The following COPS5 variants were observed in gnomAD, a reference collection of about 807,000 sequenced individuals.
COPS5 encodes COP9 signalosome complex subunit 5.
In COPS5, 8 loss-of-function variants were observed where a neutral mutation model predicts 44.4. That is an observed-to-expected ratio of 0.18 (90% confidence interval 0.11 to 0.32). The LOEUF (loss-of-function observed/expected upper bound fraction) is 0.32. Ranked by LOEUF, COPS5 falls within the 10% of genes least tolerant of loss-of-function variation. COPS5 has a pLI of 1.00. For missense variants in COPS5, 159 were observed against 406.4 expected (o/e 0.39, Z 5.23); for synonymous variants, 122 against 142.8 (o/e 0.85, Z 1.04).
intron 6 of COPS5, among the ~76,000 whole-genome samples, chr8:67,046,824 CAAAAA>C (rs771868140): frequency 2.3e-5 from 1 of 43,736 alleles, no homozygotes; most frequent in Admixed American, 2.7e-4. Flanking sequence ...ACTCTGTCTC[CAAAAA>C]AAAAAAAAAA....
intron 6 of COPS5, chr8:67,047,668 G>T (rs1816717870): frequency 1.7e-6 from 1 of 603,676 alleles, no homozygotes; most frequent in African/African-American, 1.8e-5. Context: ...AACAACAAGG[G>T]AGAAATGTAA....
intron 7 of COPS5, chr8:67,045,195 T>C (rs1183986734): frequency 1.3e-5 from 2 of 152,056 alleles, no homozygotes; most frequent in Non-Finnish European, 2.9e-5. Context: ...TTCATGCCTG[T>C]AATCCCAGCA....
At chr8:67,057,506 T>TTTC in intron 3 of COPS5, 61 bp from the exon 4 acceptor site, 2 of 1,169,160 alleles carry the variant, frequency 1.7e-6, no homozygotes, top group African/African-American at 1.5e-5. Context: ...TATTTAAACA[T>TTTC]TATAAACCTA....
chr8:67,050,092 C>A (rs529567924), intron 6 of COPS5, among the ~76,000 whole-genome samples: 1 of 152,028 alleles, frequency 6.6e-6, no homozygotes, highest in South Asian at 2.1e-4. Flanking sequence ...GCTCTGCCCC[C>A]CGGGGCTCAT....
intron 5 of COPS5, among the ~76,000 whole-genome samples, chr8:67,052,948 C>G (rs1465107936): frequency 6.6e-6 from 1 of 151,686 alleles, no homozygotes; most frequent in African/African-American, 2.4e-5. Flanking sequence ...TTTATAGTAC[C>G]ATTAGGAGAT....
rs185589485 is a variant in COPS5 at position 67,051,421 on chromosome 8, G to A, written c.660-80C>T. On this transcript the variant is annotated intron_variant, in intron 5 of 7. Transcript: ENST00000357849. ...ACATAAAACTTATGGCCAGATTTAA[G>A]TGAGTTACACTTTATTCTCAAATAT... 2.4e-4 allele frequency: 175 copies of A among 719,770 alleles called. 1 individual carries two copies. Among genetic ancestry groups the A allele is most frequent in the Middle Eastern group, 3.8e-4 (1 of 2,610 alleles). 44.6% of individuals were successfully genotyped at this position (719,770 alleles called of 1,614,324 possible).
At chr8:67,057,277 C>T (rs567835733) in intron 4 of COPS5, 103 bp downstream of exon 4, 48 of 577,222 alleles carry the variant, frequency 8.3e-5, no homozygotes, top group African/African-American at 7.1e-4. Flanking sequence ...TGAGCCTAGG[C>T]GATGAAGGCT....
chr8:67,060,523 C>T (rs1005557539), intron 1 of COPS5: 22 of 1,288,836 alleles, frequency 1.7e-5, no homozygotes, highest in South Asian at 2.5e-5. Context: ...AGACATGAAT[C>T]GAAATCTTGG....
chr8:67,054,003 T>C (rs375564967), intron 5 of COPS5, among the ~76,000 whole-genome samples: 1 of 146,996 alleles, frequency 6.8e-6, no homozygotes, highest in African/African-American at 2.5e-5. Context: ...AAGACTCCAT[T>C]TAAAAAAAAA....
At chr8:67,043,451 A>C (rs1206009316) in intron 7 of COPS5, 134 bp from the exon 8 acceptor site, 1 of 527,226 alleles carries the variant, frequency 1.9e-6, no homozygotes, top group Non-Finnish European at 3.3e-6. Context: ...CCCCAATCTG[A>C]AGTTTTCCCT....
chr8:67,056,650 AAAATATATAT>A (rs1804509940), intron 4 of COPS5, 46 bp from the exon 5 acceptor site: 12 of 74,534 alleles, frequency 1.6e-4, no homozygotes, highest in Non-Finnish European at 2.5e-4. Flanking sequence ...AAAAAAAAAA[AAAATATATAT>A]ATATATATAT....
chr8:67,060,559 G>A, intron 1 of COPS5: 1 of 1,239,750 alleles, frequency 8.1e-7, no homozygotes, highest in Non-Finnish European at 1.1e-6. Context: ...GAGAAAAGAA[G>A]AAAGACAAGT....
chr8:67,053,898 C>T (rs775701446), intron 5 of COPS5, among the ~76,000 whole-genome samples: 3 of 148,522 alleles, frequency 2.0e-5, no homozygotes, highest in South Asian at 2.1e-4. Context: ...TCCAGCTACT[C>T]GGGAGGGTGA....
At chr8:67,057,354 T>G (rs746936878) in intron 4 of COPS5, 26 bp downstream of exon 4, 1 of 1,527,638 alleles carries the variant, frequency 6.5e-7, no homozygotes, top group South Asian at 1.1e-5. Flanking sequence ...AGTGAGACTC[T>G]AACTCTTAAA....
At chr8:67,047,272 CT>C (rs1816713553) in intron 6 of COPS5, among the ~76,000 whole-genome samples, 1 of 152,138 alleles carries the variant, frequency 6.6e-6, no homozygotes, top group Non-Finnish European at 1.5e-5. Flanking sequence ...ATAGGGGGCT[CT>C]TTAAAATGCT....
chr8:67,057,239 C>T lies in COPS5; in HGVS notation c.573+141G>A, dbSNP rs566954787. The T allele has an allele frequency of 8.1e-4, 344 of 426,544 alleles. 7 individuals are homozygous for T. In the South Asian group the frequency reaches 0.021, roughly 27 times the overall value. 26.4% of individuals were successfully genotyped at this position (426,544 alleles called of 1,614,324 possible). Reference sequence around the variant, plus strand: ...AAAAATTACTAAGCATTCCTACCGTCCCAGCTACTTGGGAGGCTGAGTTGG... The same window carrying T: ...AAAAATTACTAAGCATTCCTACCGTTCCAGCTACTTGGGAGGCTGAGTTGG... On this transcript the variant is annotated intron_variant, in intron 4 of 7. Coordinates refer to ENST00000357849, the MANE Select transcript of COPS5 (RefSeq NM_006837.3).
chr8:67,055,590 G>A (rs78062985), intron 5 of COPS5, among the ~76,000 whole-genome samples: 12,584 of 152,100 alleles, frequency 0.083, 1,056 homozygotes, highest in African/African-American at 0.22. Context: ...TACGTAGGCC[G>A]GGCACAGTGG....
chr8:67,047,270 C>A (rs1033640212), intron 6 of COPS5, among the ~76,000 whole-genome samples: 9 of 152,136 alleles, frequency 5.9e-5, no homozygotes, highest in Non-Finnish European at 1.2e-4. Flanking sequence ...CTATAGGGGG[C>A]TCTTTAAAAT....
chr8:67,058,696 TA>T (rs527488705), intron 2 of COPS5, among the ~76,000 whole-genome samples: 13 of 149,444 alleles, frequency 8.7e-5, no homozygotes, highest in South Asian at 4.2e-4. Flanking sequence ...AGAGTTTATT[TA>T]AAAAAAAAAT....
Sources: gnomAD v4.1 joint callset for allele counts (sites outside exome capture counted in the v4.1 genomes callset) on GRCh38, gnomAD v4.1.1 for gene constraint, MANE v1.5 for transcripts, NCBI Gene and HGNC (gene_info 2026-07-23, HGNC 2026-07-21) for gene names.